LMAN2L: variants seen among roughly 807,000 people sequenced by gnomAD.
LMAN2L encodes VIP36-like protein.
LMAN2L carries 30 observed loss-of-function variants against 44.3 expected under a neutral mutation model. The observed-to-expected ratio is 0.68, with a 90% CI of 0.51 to 0.92. The LOEUF is 0.92. LMAN2L is among the 40% of genes least tolerant of loss of function. LMAN2L has a pLI of 0.00. For missense variants in LMAN2L, 429 were observed against 446.1 expected (o/e 0.96, Z 0.35); for synonymous variants, 183 against 171.1 (o/e 1.07, Z -0.54).
chr2:96,734,693 G>A (rs940318185), intron 2 of LMAN2L, 167 bp from the exon 3 acceptor site: 7 of 597,442 alleles, frequency 1.2e-5, no homozygotes, highest in Admixed American at 5.8e-5. Context: ...AAAATTAAAC[G>A]GATTGAACCA....
At chr2:96,728,954 C>T (rs1419238882) in intron 4 of LMAN2L, among the ~76,000 whole-genome samples, 1 of 151,866 alleles carries the variant, frequency 6.6e-6, no homozygotes, top group Non-Finnish European at 1.5e-5. Flanking sequence ...GGGCAGATCA[C>T]GAGGTCAGGA....
chr2:96,716,159 T>C (rs1029611275), intron 4 of LMAN2L, among the ~76,000 whole-genome samples: 1 of 152,222 alleles, frequency 6.6e-6, no homozygotes, highest in Admixed American at 6.5e-5. Flanking sequence ...AAAAATATTT[T>C]GGAGAGTATT....
intron 4 of LMAN2L, among the ~76,000 whole-genome samples, chr2:96,721,420 G>A (rs1574011197): frequency 6.7e-6 from 1 of 149,556 alleles, no homozygotes. Flanking sequence ...GCAACCTCGA[G>A]GTCCTGGGCT....
intron 4 of LMAN2L, among the ~76,000 whole-genome samples, chr2:96,716,583 GA>G (rs1447883339): frequency 6.6e-6 from 1 of 152,240 alleles, no homozygotes; most frequent in Non-Finnish European, 1.5e-5. Flanking sequence ...TGAATGGTGT[GA>G]ATAATAGCTG....
At position 96,737,948 on chromosome 2, in the gene LMAN2L, C is replaced by T. The variant is rs534459168; in HGVS notation, c.306+1G>A. 2 of 1,600,632 alleles carry T rather than the reference C, an allele frequency of 1.2e-6. No individual in the cohort carries two copies. Among genetic ancestry groups the T allele is most frequent in the South Asian group, 1.1e-5 (1 of 90,814 alleles). On this transcript the variant is annotated splice_donor_variant, in intron 2 of 7. Coordinates refer to ENST00000264963, the MANE Select transcript of LMAN2L (RefSeq NM_030805.4). LOFTEE classifies it high-confidence loss of function. ...AACACAGGAGGGAGAAAGATTCTTA[C>T]CACCCGGTTCCACAAGGCACCCTGT...
intron 4 of LMAN2L, among the ~76,000 whole-genome samples, chr2:96,719,887 T>C (rs562307240): frequency 2.0e-5 from 3 of 152,134 alleles, no homozygotes; most frequent in Non-Finnish European, 4.4e-5. Flanking sequence ...AAAATTAACC[T>C]GGCATGATGG....
chr2:96,717,440 G>C (rs2078061560), intron 4 of LMAN2L, among the ~76,000 whole-genome samples: 1 of 151,600 alleles, frequency 6.6e-6, no homozygotes, highest in Non-Finnish European at 1.5e-5. Context: ...GCTGAGATGG[G>C]AGGCTCTATT....
chr2:96,731,307 C>T (rs1395719154), intron 4 of LMAN2L, among the ~76,000 whole-genome samples: 3 of 152,134 alleles, frequency 2.0e-5, no homozygotes, highest in Non-Finnish European at 2.9e-5. Context: ...GTAACTGATC[C>T]ACAACAAAAG....
intron 6 of LMAN2L, among the ~76,000 whole-genome samples, chr2:96,709,210 C>T (rs536332316): frequency 5.3e-5 from 8 of 152,174 alleles, no homozygotes; most frequent in African/African-American, 1.4e-4. Flanking sequence ...CGTGAGCCAC[C>T]GCGCCTGGCC....
chr2:96,714,320 C>T (rs2077989626), intron 4 of LMAN2L, among the ~76,000 whole-genome samples: 1 of 152,194 alleles, frequency 6.6e-6, no homozygotes, highest in Non-Finnish European at 1.5e-5. Context: ...TGAGAAGAGG[C>T]TGCCATGAGG....
At chr2:96,711,622 A>T in intron 6 of LMAN2L, 34 bp downstream of exon 6, 2 of 1,419,528 alleles carry the variant, frequency 1.4e-6, no homozygotes, top group Non-Finnish European at 2.0e-6. Flanking sequence ...AAGAGGCCTC[A>T]GTCAGGGCAA....
At chr2:96,732,505 G>A (rs543847393) in intron 4 of LMAN2L, among the ~76,000 whole-genome samples, 1 of 151,960 alleles carries the variant, frequency 6.6e-6, no homozygotes, top group Non-Finnish European at 1.5e-5. Flanking sequence ...TTAGCTGGGT[G>A]TGGTGGCATG....
At chr2:96,735,875 CAGT>C (rs2078504521) in intron 2 of LMAN2L, among the ~76,000 whole-genome samples, 1 of 149,408 alleles carries the variant, frequency 6.7e-6, no homozygotes, top group African/African-American at 2.5e-5. Context: ...AGGCCAGGCA[CAGT>C]AGTTCACGCC....
rs779449487 is a variant in LMAN2L at position 96,711,875 on chromosome 2, T to C, written c.658A>G (p.Arg220Gly). The change falls in exon 5 of 8, where the codon AGG (arginine) becomes GGG (glycine). Residue 220 changes from arginine (R) to glycine (G), a missense_variant. Coordinates refer to ENST00000264963, the MANE Select transcript of LMAN2L (RefSeq NM_030805.4). The part of the protein sequence containing the change: ...DTFLVIRYVK[R>G]HLTIMMDIDG... ...ACAAGGACTCTCACCGTCAAATGCC[T>C]CTTGACGTAGCGAATCACCAGGAAG... 18 of 1,614,034 alleles carry C rather than the reference T, an allele frequency of 1.1e-5. No individual in the cohort carries two copies. Among genetic ancestry groups the C allele is most frequent in the Admixed American group, 6.7e-5 (4 of 60,010 alleles).
intron 4 of LMAN2L, among the ~76,000 whole-genome samples, chr2:96,726,262 GT>G (rs575027037): frequency 4.0e-5 from 6 of 150,028 alleles, no homozygotes; most frequent in African/African-American, 7.3e-5. Context: ...GTTCTAATAG[GT>G]TTTTTTTTGT....
At chr2:96,729,430 C>G (rs72941255) in intron 4 of LMAN2L, among the ~76,000 whole-genome samples, 1 of 151,532 alleles carries the variant, frequency 6.6e-6, no homozygotes, top group East Asian at 1.9e-4. Context: ...GGAGGTTTGA[C>G]GAGGATTAAG....
At chr2:96,723,112 C>T (rs1558955926) in intron 4 of LMAN2L, among the ~76,000 whole-genome samples, 1 of 152,196 alleles carries the variant, frequency 6.6e-6, no homozygotes, top group Non-Finnish European at 1.5e-5. Context: ...TATGTTTAGT[C>T]ATTTGAAGAA....
chr2:96,712,030 A>G lies in LMAN2L; in HGVS notation c.508-5T>C. 2 of 1,614,098 alleles carry G rather than the reference A, an allele frequency of 1.2e-6. No individual in the cohort carries two copies. The highest frequency in any genetic ancestry group is 1.7e-6 in the Non-Finnish European group (2 of 1,179,974). On this transcript the variant is annotated splice_region_variant and splice_polypyrimidine_tract_variant and intron_variant, in intron 4 of 7. Coordinates refer to ENST00000264963, the MANE Select transcript of LMAN2L (RefSeq NM_030805.4). ...TGAGATGTAGGGGAATACCCGCTGG[A>G]AAGCAGAGAGGGGGAAGCAGACACT... is the stretch of plus-strand genomic sequence containing the variant.
intron 1 of LMAN2L, among the ~76,000 whole-genome samples, chr2:96,738,902 G>A (rs1356080310): frequency 6.6e-6 from 1 of 152,044 alleles, no homozygotes; most frequent in South Asian, 2.1e-4. Context: ...CACCACACCT[G>A]GCTAATTTTT....
Sources: allele counts gnomAD v4.1 joint callset (sites outside exome capture counted in the v4.1 genomes callset), GRCh38; gene constraint gnomAD v4.1.1; transcripts MANE v1.5; gene names NCBI Gene and HGNC (gene_info 2026-07-23, HGNC 2026-07-21).